Variants in STAG2 observed in about 807,000 individuals in gnomAD.
The protein encoded by STAG2 is cohesin subunit SA-2.
In STAG2, 14 loss-of-function variants were observed where a neutral mutation model predicts 108.1. The observed-to-expected ratio is 0.13, with a 90% CI of 0.09 to 0.20. The LOEUF (loss-of-function observed/expected upper bound fraction) is 0.20. Among genes scored for constraint, STAG2 ranks in the 10% least tolerant of loss-of-function variants. The pLI, the probability that STAG2 is intolerant of heterozygous loss-of-function variation, is 1.00. For synonymous variants in STAG2, 307 were observed against 302.7 expected, an observed-to-expected ratio of 1.01 and a Z score of -0.15; for missense variants, 440 against 940.9, an observed-to-expected ratio of 0.47 and a Z score of 6.96.
chrX:123,983,974 C>CTTTTTTTTTTTTTTTTT lies in STAG2; in HGVS notation c.-163+22123_-163+22139dup. Among the ~76,000 whole-genome samples the CTTTTTTTTTTTTTTTTT allele has an allele frequency of 3.2e-3, 196 of 61,435 alleles. 8 individuals carry two copies. The highest frequency in any genetic ancestry group is 4.1e-3 in the Non-Finnish European group (148 of 36,311). 53.3% of individuals were successfully genotyped at this position (61,435 alleles called of 115,157 possible). A position where few individuals can be genotyped will look rare whatever the true frequency, so the allele number is the denominator to read the frequency against. Reference sequence around the variant, plus strand: ...AAAAAGAATAATTTTCTTTTCTTTTCTTTTTTTTTTTTTTTTTTTTTGAGA... The same window carrying CTTTTTTTTTTTTTTTTT: ...AAAAAGAATAATTTTCTTTTCTTTTCTTTTTTTTTTTTTTTTTTTTTTTTTTTTTTTTTTTTTTGAGA... On this transcript the variant is annotated intron_variant, in intron 1 of 34. Coordinates refer to ENST00000371145, the MANE Select transcript of STAG2 (RefSeq NM_001042750.2).
At chrX:123,966,002 A>G (rs772096030) in intron 1 of STAG2, among the ~76,000 whole-genome samples, 2 of 110,922 alleles carry the variant, frequency 1.8e-5, no homozygotes, top group East Asian at 5.7e-4. Flanking sequence ...TGTCTCAAAA[A>G]AAAATTAAAA....
rs191564604 is a variant in STAG2, at chrX:124,058,104, C to T, written c.1416+127C>T. The T allele has an allele frequency of 1.3e-3, 365 of 287,412 alleles. 2 individuals carry two copies. The highest frequency in any genetic ancestry group is 0.01 in the African/African-American group (322 of 32,142). The allele number at this position is 287,412 out of a possible 1,213,427, so 23.7% of individuals were successfully genotyped here. On this transcript the variant is annotated intron_variant, in intron 15 of 34. Coordinates refer to ENST00000371145, the MANE Select transcript of STAG2 (RefSeq NM_001042750.2). Reference sequence around the variant, plus strand: ...TGTGAATAGAATGGAGAGCCACCCACTCCCCCACTCCCCCAATTTTTTTTT... The same window carrying T: ...TGTGAATAGAATGGAGAGCCACCCATTCCCCCACTCCCCCAATTTTTTTTT...
chrX:124,069,588 A>G (rs1021902177), intron 24 of STAG2, among the ~76,000 whole-genome samples: 6 of 111,815 alleles, frequency 5.4e-5, no homozygotes, highest in Non-Finnish European at 1.1e-4. Flanking sequence ...ATAGTTTAAA[A>G]TGTTCATTCA....
At chrX:124,046,349 G>A (rs771772292) in intron 8 of STAG2, among the ~76,000 whole-genome samples, 9 of 112,034 alleles carry the variant, frequency 8.0e-5, no homozygotes, top group Non-Finnish European at 1.7e-4. Context: ...CAGAAAATAT[G>A]AATGTGATCT....
chrX:123,976,704 C>T (rs2054636825), intron 1 of STAG2, among the ~76,000 whole-genome samples: 1 of 111,787 alleles, frequency 8.9e-6, no homozygotes, highest in South Asian at 3.7e-4. Context: ...ACTAGGCTCC[C>T]TAACATTTAA....
chrX:124,024,090 G>A (rs1431771476), intron 3 of STAG2, among the ~76,000 whole-genome samples: 1 of 111,779 alleles, frequency 8.9e-6, no homozygotes, highest in Non-Finnish European at 1.9e-5. Flanking sequence ...TTGGTTGGGA[G>A]TATTTTAGAC....
chrX:124,099,067 G>T (rs373200442), intron 34 of STAG2, among the ~76,000 whole-genome samples: 1 of 111,947 alleles, frequency 8.9e-6, no homozygotes, highest in Non-Finnish European at 1.9e-5. Context: ...TCATTCTCTT[G>T]TGTTGAGATT....
In STAG2 at chrX:124,100,600, C is replaced by T; in HGVS notation, c.*3C>T. 8.4e-7 allele frequency: 1 copy of T among 1,188,985 alleles called. No individual in the cohort carries two copies. The highest frequency in any genetic ancestry group is 1.1e-6 in the Non-Finnish European group (1 of 876,829). On this transcript the variant is annotated 3_prime_UTR_variant, in exon 35 of 35. Coordinates refer to ENST00000371145, the MANE Select transcript of STAG2 (RefSeq NM_001042750.2). ...TTCTTGGAGTGTCAATGTTTTAATA[C>T]CAGTACACAATTAAATCTGTGGTGA...
chrX:124,080,074 A>C (rs1211878851), intron 27 of STAG2, among the ~76,000 whole-genome samples: 1 of 111,442 alleles, frequency 9.0e-6, no homozygotes, highest in African/African-American at 3.3e-5. Context: ...AAATGATTAA[A>C]TTTAGCTAAT....
intron 1 of STAG2, among the ~76,000 whole-genome samples, chrX:123,999,917 GTT>G (rs1227997327): frequency 2.0e-5 from 2 of 101,953 alleles, no homozygotes. Flanking sequence ...CCCGGCCATA[GTT>G]TTTTTTTTTT....
At chrX:124,073,863 GTTACAAA>G (rs2058734852) in intron 25 of STAG2, among the ~76,000 whole-genome samples, 1 of 111,712 alleles carries the variant, frequency 9.0e-6, no homozygotes, top group Non-Finnish European at 1.9e-5. Context: ...TAAAAGCACA[GTTACAAA>G]AGAAGCCCTC....
At chrX:124,093,984 G>T in intron 32 of STAG2, 34 bp from the exon 33 acceptor site, 1 of 1,206,003 alleles carries the variant, frequency 8.3e-7, no homozygotes, top group South Asian at 1.8e-5. Flanking sequence ...CACGACATTA[G>T]TTCAGATCTT....
At chrX:123,987,994 A>T (rs2055278964) in intron 1 of STAG2, among the ~76,000 whole-genome samples, 1 of 112,176 alleles carries the variant, frequency 8.9e-6, no homozygotes, top group Non-Finnish European at 1.9e-5. Flanking sequence ...TCATACAGGC[A>T]TATACATGTG....
chrX:124,035,774 A>G (rs1296577052), intron 5 of STAG2, among the ~76,000 whole-genome samples: 1 of 112,129 alleles, frequency 8.9e-6, no homozygotes, highest in East Asian at 2.8e-4. Flanking sequence ...ACGGCTTCTT[A>G]CAGTATGGCG....
intron 9 of STAG2, among the ~76,000 whole-genome samples, chrX:124,048,198 T>C (rs1462248873): frequency 1.8e-5 from 2 of 111,731 alleles, no homozygotes; most frequent in African/African-American, 6.5e-5. Context: ...TTGAATTTTT[T>C]TGGGGAGGGG....
chrX:124,069,560 A>G (rs1290373987), intron 24 of STAG2, among the ~76,000 whole-genome samples: 3 of 111,858 alleles, frequency 2.7e-5, no homozygotes, highest in Non-Finnish European at 5.6e-5. Flanking sequence ...AATTTTAATA[A>G]AACATATTTG....
chrX:123,991,781 C>T (rs185254771), intron 1 of STAG2, among the ~76,000 whole-genome samples: 1 of 111,510 alleles, frequency 9.0e-6, no homozygotes, highest in African/African-American at 3.3e-5. Context: ...TCTCCCGCCT[C>T]AGCCTTCCGA....
intron 4 of STAG2, among the ~76,000 whole-genome samples, chrX:124,027,375 G>T (rs1295899866): frequency 8.9e-6 from 1 of 112,374 alleles, no homozygotes; most frequent in Admixed American, 9.5e-5. Context: ...TCGAGAGAGG[G>T]ATATGAATAG....
chrX:124,034,939 C>T (rs977399971), intron 5 of STAG2, among the ~76,000 whole-genome samples: 3 of 107,946 alleles, frequency 2.8e-5, no homozygotes, highest in African/African-American at 6.8e-5. Context: ...CTCTGTCACC[C>T]AGGCTGGAGT....
Sources: allele counts gnomAD v4.1 joint callset (sites outside exome capture counted in the v4.1 genomes callset), GRCh38; gene constraint gnomAD v4.1.1; transcripts MANE v1.5; gene names NCBI Gene and HGNC (gene_info 2026-07-23, HGNC 2026-07-21).